The following LRP1B variants were observed in gnomAD, a reference collection of about 807,000 sequenced individuals.
The protein encoded by LRP1B is low-density lipoprotein receptor-related protein 1B.
LRP1B carries 217 observed loss-of-function variants against 556.6 expected under a neutral mutation model. The observed-to-expected ratio is 0.39, with a 90% confidence interval of 0.35 to 0.44. The LOEUF (loss-of-function observed/expected upper bound fraction) is 0.44, where lower values mean the gene tolerates loss of function less well. Among genes scored for constraint, LRP1B ranks in the 20% least tolerant of loss-of-function variants. The pLI is 1.00. For synonymous variants in LRP1B, 2,047 were observed against 1,865.8 expected, an observed-to-expected ratio of 1.10 and a Z score of -2.50; for missense variants, 5,053 against 5,620.8, an observed-to-expected ratio of 0.90 and a Z score of 3.23.
intron 32 of LRP1B, among the ~76,000 whole-genome samples, chr2:140,783,901 T>C (rs1411427763): frequency 6.6e-6 from 1 of 152,172 alleles, no homozygotes; most frequent in African/African-American, 2.4e-5. Flanking sequence ...AATTTCAGCA[T>C]GAATTAGAAT....
intron 41 of LRP1B, among the ~76,000 whole-genome samples, chr2:140,657,602 T>TACATATATATACATACATATATAC (rs1389542183): frequency 7.2e-6 from 1 of 139,518 alleles, no homozygotes; most frequent in Non-Finnish European, 1.6e-5. Context: ...TACATATATA[T>TACATATATATACATACATATATAC]ACATATATAT....
At chr2:140,622,923 A>C (rs1053472390) in intron 41 of LRP1B, among the ~76,000 whole-genome samples, 1 of 150,002 alleles carries the variant, frequency 6.7e-6, no homozygotes, top group African/African-American at 2.4e-5. Context: ...ATATCTTGAA[A>C]GTATTTCAAA....
chr2:141,391,085 G>A (rs943619482), intron 3 of LRP1B, among the ~76,000 whole-genome samples: 1 of 151,904 alleles, frequency 6.6e-6, no homozygotes, highest in Non-Finnish European at 1.5e-5. Context: ...TTGAGGGGAG[G>A]GAATAAATCT....
chr2:140,355,140 T>C (rs1283139311), intron 75 of LRP1B, among the ~76,000 whole-genome samples: 2 of 151,902 alleles, frequency 1.3e-5, no homozygotes, highest in East Asian at 3.9e-4. Flanking sequence ...CAGGTTATAT[T>C]TGCTGTGGAA....
At chr2:140,323,816 T>TC in intron 81 of LRP1B, 77 bp downstream of exon 81, 1 of 745,064 alleles carries the variant, frequency 1.3e-6, no homozygotes, top group African/African-American at 1.8e-5. Flanking sequence ...AGTTAAGATA[T>TC]TTAAAAATAT....
intron 3 of LRP1B, among the ~76,000 whole-genome samples, chr2:141,396,902 C>T (rs1358440627): frequency 1.3e-5 from 2 of 151,626 alleles, no homozygotes; most frequent in Admixed American, 6.6e-5. Flanking sequence ...CAACTGAGGT[C>T]GGGAGTTTGA....
At chr2:141,148,319 A>C (rs12691593) in intron 7 of LRP1B, among the ~76,000 whole-genome samples, 103,080 of 152,016 alleles carry the variant, frequency 0.68, 35,125 homozygotes, top group Middle Eastern at 0.83. Flanking sequence ...TTAATAATCA[A>C]AAATAACTTG....
At chr2:140,390,863 A>G (rs1683986741) in intron 66 of LRP1B, among the ~76,000 whole-genome samples, 1 of 151,902 alleles carries the variant, frequency 6.6e-6, no homozygotes, top group Admixed American at 6.6e-5. Context: ...AGCTAATGCA[A>G]ATGAAAACTA....
chr2:140,543,298 G>T (rs893905186), intron 43 of LRP1B, among the ~76,000 whole-genome samples: 1 of 151,810 alleles, frequency 6.6e-6, no homozygotes, highest in East Asian at 1.9e-4. Flanking sequence ...ATAAAAGGAA[G>T]AAACTAAAGA....
intron 1 of LRP1B, among the ~76,000 whole-genome samples, chr2:141,905,611 G>A (rs1000847884): frequency 6.6e-6 from 1 of 151,774 alleles, no homozygotes; most frequent in Non-Finnish European, 1.5e-5. Context: ...GATCAAGAAA[G>A]GAATCTAGGG....
Position 140,525,421 on chromosome 2 carries a change from C to A in LRP1B, c.8026+423G>T, listed in dbSNP as rs183466404. Among the ~76,000 whole-genome samples, 123 of 151,976 alleles carry A rather than the reference C, an allele frequency of 8.1e-4. 1 individual carries two copies. Among genetic ancestry groups the A allele is most frequent in the Admixed American group, 3.7e-3 (56 of 15,218 alleles). On this transcript the variant is annotated intron_variant, in intron 49 of 90. Transcript: ENST00000389484. ...ATGATTATAACTATTACTCAAATTA[C>A]TACACCAAAGGATTTTGTAAACTGC...
chr2:142,126,911 G>C (rs1174363027), intron 1 of LRP1B, among the ~76,000 whole-genome samples: 1 of 151,776 alleles, frequency 6.6e-6, no homozygotes, highest in Non-Finnish European at 1.5e-5. Context: ...GCTGAGAAAA[G>C]AAATTGACAA....
chr2:140,838,666 T>C (rs72924945), intron 31 of LRP1B, among the ~76,000 whole-genome samples: 60 of 152,262 alleles, frequency 3.9e-4, no homozygotes, highest in Non-Finnish European at 7.5e-4. Flanking sequence ...AAATGTATAG[T>C]ATTCAATTGA....
At chr2:140,805,426 T>C (rs72986133) in intron 32 of LRP1B, among the ~76,000 whole-genome samples, 255 of 152,270 alleles carry the variant, frequency 1.7e-3, no homozygotes, top group African/African-American at 5.8e-3. Flanking sequence ...GATTTGATGG[T>C]TGTTGGAGAT....
chr2:141,250,256 C>A (rs1684211564), intron 4 of LRP1B, among the ~76,000 whole-genome samples: 1 of 152,254 alleles, frequency 6.6e-6, no homozygotes, highest in Non-Finnish European at 1.5e-5. Context: ...TGAGGTGACT[C>A]AGGGTGGGGC....
chr2:140,514,635 A>G lies in LRP1B; in HGVS notation c.8269+18T>C, dbSNP rs2104931433. On this transcript the variant is annotated intron_variant, in intron 51 of 90. Coordinates refer to ENST00000389484, the MANE Select transcript of LRP1B (RefSeq NM_018557.3). ...TAATGCTTAAAAACTGATTGAGGAC[A>G]GAAGATACACAACTTACCACAAATG... 1 of 1,601,262 alleles carries G rather than the reference A, an allele frequency of 6.2e-7. No individual in the cohort carries two copies. Among genetic ancestry groups the G allele is most frequent in the Non-Finnish European group, 8.5e-7 (1 of 1,173,032 alleles).
chr2:140,342,559 A>G (rs2105099065), intron 77 of LRP1B, among the ~76,000 whole-genome samples: 1 of 151,726 alleles, frequency 6.6e-6, no homozygotes, highest in East Asian at 1.9e-4. Flanking sequence ...ATGACTGTGG[A>G]GTTCATATAT....
At chr2:140,486,094 A>G (rs1688459822) in intron 58 of LRP1B, among the ~76,000 whole-genome samples, 1 of 152,032 alleles carries the variant, frequency 6.6e-6, no homozygotes, top group Non-Finnish European at 1.5e-5. Flanking sequence ...TATACCAAAT[A>G]CAGTATGAAA....
At chr2:140,766,469 A>G (rs2104927206) in intron 35 of LRP1B, among the ~76,000 whole-genome samples, 1 of 152,182 alleles carries the variant, frequency 6.6e-6, no homozygotes, top group South Asian at 2.1e-4. Context: ...GCAAAAAGGC[A>G]GTGGAAAGCT....
Sources: gnomAD v4.1 joint callset for allele counts (sites outside exome capture counted in the v4.1 genomes callset) on GRCh38, gnomAD v4.1.1 for gene constraint, MANE v1.5 for transcripts, NCBI Gene and HGNC (gene_info 2026-07-23, HGNC 2026-07-21) for gene names.